The following TNNI3K variants were observed in gnomAD, a reference collection of about 807,000 sequenced individuals.
The protein encoded by TNNI3K is serine/threonine-protein kinase TNNI3K.
A neutral mutation model predicts 114.5 loss-of-function variants in TNNI3K; 140 were observed. The ratio of observed to expected loss-of-function variants is 1.22; its 90% CI spans 1.07 to 1.41. TNNI3K has a LOEUF of 1.41. TNNI3K is among the 40% of genes most tolerant of loss of function. TNNI3K has a pLI of 0.00. For missense variants in TNNI3K, 1,125 were observed against 1,007.6 expected, an observed-to-expected ratio of 1.12 and a Z score of -1.58; for synonymous variants, 347 against 347.5, an observed-to-expected ratio of 1.00 and a Z score of 0.02.
intron 23 of TNNI3K, among the ~76,000 whole-genome samples, chr1:74,528,418 G>T (rs768402789): frequency 1.1e-4 from 17 of 152,152 alleles, no homozygotes; most frequent in South Asian, 4.1e-4. Flanking sequence ...GAACACATGA[G>T]AGTGAGGAAG....
At chr1:74,349,081 C>T (rs1160868578) in intron 9 of TNNI3K, among the ~76,000 whole-genome samples, 1 of 152,126 alleles carries the variant, frequency 6.6e-6, no homozygotes, top group East Asian at 1.9e-4. Flanking sequence ...TGCTGGTTTT[C>T]AAAGGGAATG....
intron 17 of TNNI3K, among the ~76,000 whole-genome samples, chr1:74,409,104 T>C (rs1381103341): frequency 1.3e-5 from 2 of 152,176 alleles, no homozygotes; most frequent in African/African-American, 4.8e-5. Context: ...TATTCATTAT[T>C]TATTTGATCT....
chr1:74,237,906 T>C (rs1321643762), intron 2 of TNNI3K, among the ~76,000 whole-genome samples: 1 of 151,974 alleles, frequency 6.6e-6, no homozygotes, highest in Admixed American at 6.6e-5. Flanking sequence ...CGGTGGATGA[T>C]AAACTAAGGA....
intron 9 of TNNI3K, among the ~76,000 whole-genome samples, chr1:74,347,626 A>C (rs1661089711): frequency 6.6e-6 from 1 of 152,144 alleles, no homozygotes; most frequent in Non-Finnish European, 1.5e-5. Context: ...AACAGTGTAA[A>C]AGTGTTCCTA....
chr1:74,486,207 G>GAGAGAGAGAGAGAGAA (rs1668754524), intron 21 of TNNI3K, among the ~76,000 whole-genome samples: 3 of 140,268 alleles, frequency 2.1e-5, no homozygotes, highest in African/African-American at 3.2e-5. Flanking sequence ...TATAAAGAGA[G>GAGAGAGAGAGAGAGAA]AGAGAGAGAG....
intron 20 of TNNI3K, among the ~76,000 whole-genome samples, chr1:74,455,660 C>T (rs1667196998): frequency 1.3e-5 from 2 of 152,100 alleles, no homozygotes; most frequent in African/African-American, 4.8e-5. Context: ...GGAGGGTCAC[C>T]ACTGTAAGTT....
intron 21 of TNNI3K, among the ~76,000 whole-genome samples, chr1:74,465,314 G>A (rs985495580): frequency 1.3e-5 from 2 of 152,224 alleles, no homozygotes; most frequent in Admixed American, 6.5e-5. Context: ...TGGCGCTCGG[G>A]TGCCAGCATG....
chr1:74,494,154 G>A (rs1028682696), intron 23 of TNNI3K, among the ~76,000 whole-genome samples: 1 of 151,994 alleles, frequency 6.6e-6, no homozygotes, highest in East Asian at 1.9e-4. Context: ...ATTTGCACAC[G>A]GCCCAGTTAC....
chr1:74,432,002 G>A (rs1440104260), intron 17 of TNNI3K, among the ~76,000 whole-genome samples: 2 of 152,068 alleles, frequency 1.3e-5, no homozygotes, highest in Non-Finnish European at 2.9e-5. Flanking sequence ...TATCTAAAAA[G>A]CATTCCTCAG....
rs1226712457 is a variant in TNNI3K, at chr1:74,532,628, G to A, written c.2352-7606G>A. ...CTCCTAATGCTATCCCTCCCCCCTC[G>A]CCCCACCCCACAGCAGTCCCCAGAG... On this transcript the variant is annotated intron_variant, in intron 23 of 24. Coordinates refer to ENST00000326637, the MANE Select transcript of TNNI3K (RefSeq NM_015978.3). Among the ~76,000 whole-genome samples, 5 of 121,526 alleles carry A rather than the reference G, an allele frequency of 4.1e-5. No homozygotes were observed. In the East Asian group the frequency reaches 9.1e-4, roughly 22 times the overall value. 79.7% of individuals were successfully genotyped at this position (121,526 alleles called of 152,430 possible). A position where few individuals can be genotyped will look rare whatever the true frequency, so the allele number is the denominator to read the frequency against.
chr1:74,312,622 G>T (rs1309780223), intron 5 of TNNI3K, among the ~76,000 whole-genome samples: 1 of 152,196 alleles, frequency 6.6e-6, no homozygotes, highest in Non-Finnish European at 1.5e-5. Flanking sequence ...ATTAAAACAG[G>T]AGGCTGACTT....
intron 23 of TNNI3K, among the ~76,000 whole-genome samples, chr1:74,494,654 A>G (rs1266816458): frequency 6.6e-6 from 1 of 152,176 alleles, no homozygotes; most frequent in Non-Finnish European, 1.5e-5. Flanking sequence ...TGTCCACTTG[A>G]GACAGAGGTT....
intron 17 of TNNI3K, among the ~76,000 whole-genome samples, chr1:74,410,476 G>A (rs921101712): frequency 4.6e-5 from 7 of 152,100 alleles, no homozygotes; most frequent in African/African-American, 1.7e-4. Flanking sequence ...TGTGTCTCTT[G>A]AGAAATAAGA....
intron 23 of TNNI3K, among the ~76,000 whole-genome samples, chr1:74,513,919 G>A (rs1452765648): frequency 1.3e-5 from 2 of 152,160 alleles, no homozygotes; most frequent in Non-Finnish European, 1.5e-5. Context: ...GGTGCTGACA[G>A]ACCTTTGTTT....
chr1:74,457,865 G>A (rs980139957), intron 20 of TNNI3K, among the ~76,000 whole-genome samples: 25 of 152,226 alleles, frequency 1.6e-4, no homozygotes, highest in African/African-American at 4.1e-4. Flanking sequence ...TATGAGCTGA[G>A]CCTTATGACC....
chr1:74,464,774 T>G (rs749875041), intron 21 of TNNI3K: 2 of 1,543,818 alleles, frequency 1.3e-6, no homozygotes, highest in Non-Finnish European at 1.7e-6. Flanking sequence ...CCTGATGTGT[T>G]ACATGTTTAT....
chr1:74,445,603 C>CTTTT lies in TNNI3K; in HGVS notation c.2011+5986_2011+5989dup, dbSNP rs1234823064. On this transcript the variant is annotated intron_variant, in intron 20 of 24. Coordinates refer to ENST00000326637, the MANE Select transcript of TNNI3K (RefSeq NM_015978.3). ...CCATGGTGTATATGTTCCACATTTT[C>CTTTT]TTTTTTTTCTTTTTTTCTTTTTTTT... Among the ~76,000 whole-genome samples the CTTTT allele has an allele frequency of 6.3e-4, 83 of 131,184 alleles. 4 individuals carry two copies. The highest frequency in any genetic ancestry group is 3.7e-3 in the Middle Eastern group (1 of 270). 86.1% of individuals were successfully genotyped at this position (131,184 alleles called of 152,430 possible). A position where few individuals can be genotyped will look rare whatever the true frequency, so the allele number is the denominator to read the frequency against.
At chr1:74,254,408 T>C (rs1655150097) in intron 4 of TNNI3K, among the ~76,000 whole-genome samples, 1 of 152,226 alleles carries the variant, frequency 6.6e-6, no homozygotes, top group Non-Finnish European at 1.5e-5. Context: ...TAGGATTCAA[T>C]CCACAATCAT....
chr1:74,310,478 A>G (rs12134262), intron 5 of TNNI3K, among the ~76,000 whole-genome samples: 14,398 of 152,188 alleles, frequency 0.095, 881 homozygotes, highest in South Asian at 0.13. Context: ...TCTAAAACTC[A>G]CATGGAACCA....
Sources: gnomAD v4.1 joint callset for allele counts (sites outside exome capture counted in the v4.1 genomes callset) on GRCh38, gnomAD v4.1.1 for gene constraint, MANE v1.5 for transcripts, NCBI Gene and HGNC (gene_info 2026-07-23, HGNC 2026-07-21) for gene names.